The following AKNA variants were observed in gnomAD, a reference collection of about 807,000 sequenced individuals.
AKNA encodes AT-hook transcription factor, also known as microtubule organization protein AKNA.
A neutral mutation model predicts 138.8 loss-of-function variants in AKNA; 67 were observed. That is an observed-to-expected ratio of 0.48 (90% CI 0.40 to 0.59). The LOEUF is 0.59. AKNA is among the 20% of genes least tolerant of loss of function. AKNA has a pLI of 0.00. For missense variants in AKNA, 1,813 were observed against 1,880.4 expected (o/e 0.96, Z 0.66); for synonymous variants, 737 against 754.4 (o/e 0.98, Z 0.38).
rs188719787 is a variant in AKNA at position 114,357,947 on chromosome 9, G to A, written c.2713C>T (p.His905Tyr). The A allele has an allele frequency of 5.6e-6, 9 of 1,601,642 alleles. No individual in the cohort carries two copies. The highest frequency in any genetic ancestry group is 4.5e-5 in the East Asian group (2 of 44,570). Residue 905 changes from histidine to tyrosine, a missense_variant, in exon 12 of 22, where the codon CAC (histidine) becomes TAC (tyrosine). His to Tyr is a moderately conservative substitution (Grantham distance 83, BLOSUM62 2). Coordinates refer to ENST00000374088, the MANE Select transcript of AKNA (RefSeq NM_001317950.2). The stretch of plus-strand genomic sequence containing the variant: ...TCCAGGTGGGGCCCACCGCCTCGGT[G>A]CAAAGGCTTCTGTGGAAGGCGCTCA... ...ISERLPQKPL[H>Y]RGGGPHLEET...
intron 21 of AKNA, among the ~76,000 whole-genome samples, chr9:114,340,580 C>A (rs1830275302): frequency 6.6e-6 from 1 of 152,174 alleles, no homozygotes; most frequent in African/African-American, 2.4e-5. Context: ...AATCCTCACG[C>A]ACAGGATTAA....
chr9:114,351,530 TG>T (rs1401777043), intron 14 of AKNA, among the ~76,000 whole-genome samples: 1 of 152,008 alleles, frequency 6.6e-6, no homozygotes, highest in Non-Finnish European at 1.5e-5. Context: ...AGCAATGAAC[TG>T]GCCAGACATG....
rs1831082105 is a variant in AKNA, at chr9:114,351,029, G to A, written c.3059-8C>T. ...ACTCTGAGCCAGGAACCGCTAGGGA[G>A]GCAGAGAGAGAACCCAAAGTGAGTT... is the stretch of plus-strand genomic sequence containing the variant. On this transcript the variant is annotated splice_polypyrimidine_tract_variant and splice_region_variant and intron_variant, in intron 14 of 21. Coordinates refer to ENST00000374088, the MANE Select transcript of AKNA (RefSeq NM_001317950.2). 6.2e-7 allele frequency: 1 copy of A among 1,612,864 alleles called. No individual in the cohort carries two copies. The highest frequency in any genetic ancestry group is 8.5e-7 in the Non-Finnish European group (1 of 1,179,508).
At chr9:114,348,025 G>A (rs1830820257) in intron 15 of AKNA, 125 bp from the exon 16 acceptor site, 3 of 1,058,446 alleles carry the variant, frequency 2.8e-6, no homozygotes. Context: ...TATCTCTGCT[G>A]TCAAACGATT....
At chr9:114,359,455 A>G (rs2131907745) in intron 11 of AKNA, 139 bp downstream of exon 11, 1 of 1,507,894 alleles carries the variant, frequency 6.6e-7, no homozygotes, top group Non-Finnish European at 8.9e-7. Flanking sequence ...TATCAGTGGT[A>G]TACATTCCAC....
intron 1 of AKNA, chr9:114,383,160 C>A (rs56698173): frequency 0.012 from 5,621 of 456,000 alleles, 275 homozygotes; most frequent in African/African-American, 0.1. Flanking sequence ...TCCCCTTGGG[C>A]TGCTCTGGGA....
intron 21 of AKNA, among the ~76,000 whole-genome samples, chr9:114,337,679 G>A (rs576526144): frequency 3.2e-4 from 48 of 152,164 alleles, no homozygotes; most frequent in African/African-American, 1.1e-3. Flanking sequence ...TCTTGGGGAG[G>A]CCAGGATCAC....
intron 20 of AKNA, 42 bp from the exon 21 acceptor site, chr9:114,341,767 CTTGGCAGATCCAG>C (rs1830370611): frequency 1.3e-6 from 2 of 1,526,756 alleles, no homozygotes; most frequent in African/African-American, 2.8e-5. Context: ...AGTCTGACCA[CTTGGCAGATCCAG>C]CCAAAGATGG....
rs758602723 is a variant in AKNA at position 114,367,669 on chromosome 9, G to A, written c.1602C>T (p.Ser534=). Residue 534 remains serine (S), a synonymous_variant, in exon 6 of 22, where the codon AGC becomes AGT. Coordinates refer to ENST00000374088, the MANE Select transcript of AKNA (RefSeq NM_001317950.2). ...SGWPSARGDL[S]PSSLTSMPTL... ...TGGGCATGCTGGTAAGCGAGGAGGG[G>A]CTCAAGTCTCCTCGAGCTGATGGCC... is the stretch of plus-strand genomic sequence containing the variant. 7 of 1,587,976 alleles carry A rather than the reference G, an allele frequency of 4.4e-6. No homozygotes were observed. Among genetic ancestry groups the A allele is most frequent in the Non-Finnish European group, 5.2e-6 (6 of 1,161,912 alleles).
chr9:114,377,242 C>T lies in AKNA; in HGVS notation c.565G>A (p.Val189Ile), dbSNP rs778045548. The change falls in exon 3 of 22, where the codon GTC becomes ATC. Residue 189 changes from valine to isoleucine, a missense_variant. Val to Ile is a conservative substitution (Grantham distance 29). Coordinates refer to ENST00000374088, the MANE Select transcript of AKNA (RefSeq NM_001317950.2). ...SGDKLSEHSE[V>I]NPSVELSPAR... ...GGGCTGAGTTCAACGGATGGGTTGACCTCGGAATGTTCAGAAAGTTTGTCC... is the reference window on the plus strand; with the variant it reads ...GGGCTGAGTTCAACGGATGGGTTGATCTCGGAATGTTCAGAAAGTTTGTCC... The T allele has an allele frequency of 1.2e-6, 2 of 1,614,180 alleles. No homozygotes were observed. The highest frequency in any genetic ancestry group is 1.1e-5 in the South Asian group (1 of 91,084).
At chr9:114,389,687 G>C (rs1376291041), upstream of AKNA, among the ~76,000 whole-genome samples, 1 of 152,296 alleles carries the variant, frequency 6.6e-6, no homozygotes, top group Middle Eastern at 3.4e-3. Flanking sequence ...TGCTACTTAG[G>C]TATAAGTCTC....
At chr9:114,351,478 T>C (rs1219442249) in intron 14 of AKNA, among the ~76,000 whole-genome samples, 2 of 152,076 alleles carry the variant, frequency 1.3e-5, no homozygotes, top group Non-Finnish European at 2.9e-5. Context: ...AAGGGATGGG[T>C]GACCAAAGGT....
intron 9 of AKNA, 168 bp from the exon 10 acceptor site, chr9:114,360,230 T>C: frequency 1.2e-6 from 1 of 803,302 alleles, no homozygotes; most frequent in South Asian, 1.7e-5. Context: ...GACTGGGCTG[T>C]GTGGTCTTCG....
At chr9:114,385,477 G>A (rs1414096383) in intron 1 of AKNA, among the ~76,000 whole-genome samples, 1 of 152,256 alleles carries the variant, frequency 6.6e-6, no homozygotes, top group East Asian at 1.9e-4. Flanking sequence ...CCTCTGCTGA[G>A]GAAGGGGCCG....
At chr9:114,389,031 G>T (rs959665250), upstream of AKNA, among the ~76,000 whole-genome samples, 1 of 152,300 alleles carries the variant, frequency 6.6e-6, no homozygotes, top group South Asian at 2.1e-4. Flanking sequence ...GAGGAGAAGG[G>T]TTATAGGACG....
intron 9 of AKNA, among the ~76,000 whole-genome samples, chr9:114,361,147 T>A (rs933709170): frequency 2.6e-5 from 4 of 152,164 alleles, no homozygotes; most frequent in Admixed American, 2.0e-4. Flanking sequence ...GCTCTCTACG[T>A]GACCCACAAG....
rs1832053333 is a variant in AKNA, at chr9:114,362,522, C to A, written c.1800G>T (p.Arg600=). 8.1e-6 allele frequency: 13 copies of A among 1,613,078 alleles called. No homozygotes were observed. Among genetic ancestry groups the A allele is most frequent in the Non-Finnish European group, 5.9e-6 (7 of 1,179,744 alleles). The change falls in exon 8 of 22, where the codon CGG becomes CGT. Residue 600 remains arginine, a synonymous_variant. Transcript: ENST00000374088. ...MPQDQVKGFQ[R]LKAAHAALEE... is the part of the protein sequence containing the mutation. ...CTAGGGCCGCGTGGGCAGCCTTCAG[C>A]CGCTGGAAGCCCTGAAACCAGACCA...
At chr9:114,366,131 T>C (rs1191104427) in intron 6 of AKNA, among the ~76,000 whole-genome samples, 1 of 151,792 alleles carries the variant, frequency 6.6e-6, no homozygotes, top group Non-Finnish European at 1.5e-5. Flanking sequence ...ATACAAAAAT[T>C]AGCCAGGCAT....
At position 114,358,024 on chromosome 9, in the gene AKNA, G is replaced by A; in HGVS notation, c.2636C>T (p.Ser879Phe). 2.5e-6 allele frequency: 4 copies of A among 1,610,556 alleles called. No homozygotes were observed. The highest frequency in any genetic ancestry group is 2.5e-6 in the Non-Finnish European group (3 of 1,177,572). The change falls in exon 12 of 22, where the codon TCC becomes TTC. Residue 879 changes from serine (S) to phenylalanine (F), a missense_variant. Ser to Phe is a radical substitution (Grantham distance 155). Coordinates refer to ENST00000374088, the MANE Select transcript of AKNA (RefSeq NM_001317950.2). ...CATACTACTTTGGTGGGATGCTGCG[G>A]ACTTGGTGCCTGGAGGGTGGGGTGG... The part of the protein sequence containing the change: ...GVPPHPPGTK[S>F]AASHQSSMTS...
Sources: gnomAD v4.1 joint callset for allele counts (sites outside exome capture counted in the v4.1 genomes callset) on GRCh38, gnomAD v4.1.1 for gene constraint, MANE v1.5 for transcripts, NCBI Gene and HGNC (gene_info 2026-07-23, HGNC 2026-07-21) for gene names.